Variants in TMEM178B observed in about 807,000 individuals in gnomAD.
TMEM178B encodes transmembrane protein 178B.
TMEM178B carries 5 observed loss-of-function variants against 31.0 expected under a neutral mutation model. The ratio of observed to expected loss-of-function variants is 0.16; its 90% CI spans 0.08 to 0.34. TMEM178B has a LOEUF of 0.34. TMEM178B is among the 10% of genes least tolerant of loss of function. The pLI, the probability that TMEM178B is intolerant of heterozygous loss-of-function variation, is 1.00. For synonymous variants in TMEM178B, 164 were observed against 164.0 expected (o/e 1.00, Z 0.00); for missense variants, 275 against 400.3 (o/e 0.69, Z 2.67).
intron 2 of TMEM178B, among the ~76,000 whole-genome samples, chr7:141,432,146 C>CTTTGTTTTTTTTTTT (rs1801443658): frequency 1.3e-5 from 1 of 79,082 alleles, no homozygotes; most frequent in Admixed American, 1.7e-4. Context: ...TTCACTGCAT[C>CTTTGTTTTTTTTTTT]TTTTTTTTTT....
intron 2 of TMEM178B, among the ~76,000 whole-genome samples, chr7:141,218,330 A>AGCAGGAGGGG (rs1164961555): frequency 6.6e-6 from 1 of 152,082 alleles, no homozygotes; most frequent in Non-Finnish European, 1.5e-5. Flanking sequence ...GGAGGGAGGG[A>AGCAGGAGGGG]GCAGTGGGGA....
chr7:141,186,296 A>G (rs151213206), intron 1 of TMEM178B, among the ~76,000 whole-genome samples: 1 of 152,230 alleles, frequency 6.6e-6, no homozygotes, highest in Non-Finnish European at 1.5e-5. Flanking sequence ...AGTTGGATGC[A>G]TTTTTAGGGT....
chr7:141,148,338 G>A (rs1389168492), intron 1 of TMEM178B, among the ~76,000 whole-genome samples: 2 of 152,142 alleles, frequency 1.3e-5, no homozygotes, highest in East Asian at 1.9e-4. Context: ...AGGTTCCAGC[G>A]ATTAGGATGT....
intron 1 of TMEM178B, among the ~76,000 whole-genome samples, chr7:141,082,923 G>T (rs998141823): frequency 1.3e-5 from 2 of 152,124 alleles, no homozygotes; most frequent in Non-Finnish European, 2.9e-5. Context: ...CTGTTGAAGA[G>T]GTCAGTTTAT....
At chr7:141,213,752 G>A (rs184107038) in intron 2 of TMEM178B, among the ~76,000 whole-genome samples, 43 of 152,266 alleles carry the variant, frequency 2.8e-4, no homozygotes, top group African/African-American at 8.9e-4. Context: ...CCACAGCTTC[G>A]GGTGGGAGTG....
intron 2 of TMEM178B, among the ~76,000 whole-genome samples, chr7:141,282,165 C>T (rs1339003772): frequency 1.3e-5 from 2 of 152,106 alleles, no homozygotes; most frequent in Admixed American, 1.3e-4. Context: ...GCACTCTAGA[C>T]CTAGATGGAG....
chr7:141,337,573 C>T (rs559550213), intron 2 of TMEM178B, among the ~76,000 whole-genome samples: 1 of 152,122 alleles, frequency 6.6e-6, no homozygotes, highest in Non-Finnish European at 1.5e-5. Flanking sequence ...CCTAGAGATA[C>T]TCAATAATTT....
chr7:141,497,228 A>T, the TMEM178B span, among the ~76,000 whole-genome samples: 1 of 152,204 alleles, frequency 6.6e-6, no homozygotes, highest in African/African-American at 2.4e-5. Context: ...CTTTACCTTG[A>T]CCAGAAGGTG....
At chr7:141,298,248 T>C (rs1798668571) in intron 2 of TMEM178B, among the ~76,000 whole-genome samples, 1 of 152,248 alleles carries the variant, frequency 6.6e-6, no homozygotes, top group African/African-American at 2.4e-5. Flanking sequence ...TTGTAGATTG[T>C]GGATATTAGT....
At chr7:141,449,561 G>GGACCA (rs1456807657) in intron 3 of TMEM178B, among the ~76,000 whole-genome samples, 1 of 152,152 alleles carries the variant, frequency 6.6e-6, no homozygotes, top group Non-Finnish European at 1.5e-5. Flanking sequence ...AGGGCAAACC[G>GGACCA]GACCAGACCA....
chr7:141,336,798 CCAT>C (rs1481102101), intron 2 of TMEM178B, among the ~76,000 whole-genome samples: 15 of 150,026 alleles, frequency 1.0e-4, no homozygotes, highest in Admixed American at 6.6e-4. Flanking sequence ...ACAACCACCA[CCAT>C]CATTTCTAGG....
At chr7:141,126,102 A>G (rs1795490892) in intron 1 of TMEM178B, among the ~76,000 whole-genome samples, 1 of 152,186 alleles carries the variant, frequency 6.6e-6, no homozygotes, top group East Asian at 1.9e-4. Flanking sequence ...GAGTGATCAA[A>G]TAGTTGGTTT....
intron 1 of TMEM178B, among the ~76,000 whole-genome samples, chr7:141,185,870 C>T (rs1298739711): frequency 6.6e-6 from 1 of 152,040 alleles, no homozygotes; most frequent in African/African-American, 2.4e-5. Context: ...GCATTCAGGG[C>T]TTTTCTGGGG....
chr7:141,236,867 A>G (rs1797536227), intron 2 of TMEM178B, among the ~76,000 whole-genome samples: 1 of 152,254 alleles, frequency 6.6e-6, no homozygotes, highest in Admixed American at 6.5e-5. Context: ...GAAAAATTAA[A>G]AGGCAAGGAA....
At chr7:141,139,054 T>C (rs1439678007) in intron 1 of TMEM178B, among the ~76,000 whole-genome samples, 1 of 152,130 alleles carries the variant, frequency 6.6e-6, no homozygotes, top group Admixed American at 6.6e-5. Flanking sequence ...AAAAATGACT[T>C]ACATGTTTTC....
intron 2 of TMEM178B, among the ~76,000 whole-genome samples, chr7:141,336,930 C>T (rs187228828): frequency 3.8e-4 from 42 of 111,526 alleles, no homozygotes; most frequent in Admixed American, 5.4e-4. Context: ...ACCACCACCA[C>T]CATCACCACC....
intron 2 of TMEM178B, among the ~76,000 whole-genome samples, chr7:141,418,122 C>A (rs909421513): frequency 1.3e-5 from 2 of 152,194 alleles, no homozygotes; most frequent in Non-Finnish European, 2.9e-5. Flanking sequence ...TCTGCTAAGT[C>A]TTTCTCCTCT....
intron 1 of TMEM178B, among the ~76,000 whole-genome samples, chr7:141,121,769 C>T (rs1294443510): frequency 6.6e-6 from 1 of 152,168 alleles, no homozygotes; most frequent in Non-Finnish European, 1.5e-5. Context: ...ATCTTTTCCT[C>T]CCCATGAACC....
chr7:141,467,974 A>AC (rs1396678549), intron 3 of TMEM178B, among the ~76,000 whole-genome samples: 21 of 150,196 alleles, frequency 1.4e-4, no homozygotes, highest in African/African-American at 4.9e-4. Context: ...GATCTTTCAA[A>AC]AAAAAAAAAA....
Sources: allele counts gnomAD v4.1 joint callset (sites outside exome capture counted in the v4.1 genomes callset), GRCh38; gene constraint gnomAD v4.1.1; transcripts MANE v1.5; gene names NCBI Gene and HGNC (gene_info 2026-07-23, HGNC 2026-07-21).